The following TRPC7 variants were observed in gnomAD, a reference collection of about 807,000 sequenced individuals.
TRPC7 encodes short transient receptor potential channel 7.
In TRPC7, 42 loss-of-function variants were observed where a neutral mutation model predicts 90.1. The observed-to-expected ratio is 0.47, with a 90% confidence interval of 0.36 to 0.60. The LOEUF is 0.60. TRPC7 is among the 20% of genes least tolerant of loss of function. The probability of loss-of-function intolerance (pLI) is 0.00; values close to 1 mark genes in which losing one functional copy is unlikely to be tolerated. For synonymous variants in TRPC7, 451 were observed against 436.3 expected (o/e 1.03, Z -0.42); for missense variants, 955 against 1,112.3 (o/e 0.86, Z 2.01).
chr5:136,228,479 A>C (rs910527037), intron 8 of TRPC7, among the ~76,000 whole-genome samples: 9 of 149,606 alleles, frequency 6.0e-5, no homozygotes, highest in African/African-American at 2.2e-4. Context: ...TTAAATGCTG[A>C]CAGGAAGGAT....
rs1760427519 is a variant in TRPC7, at chr5:136,357,400, A to G, written c.3-15T>C. 6.4e-7 allele frequency: 1 copy of G among 1,570,594 alleles called. No homozygotes were observed. The highest frequency in any genetic ancestry group is 8.6e-7 in the Non-Finnish European group (1 of 1,162,426). On this transcript the variant is annotated splice_polypyrimidine_tract_variant and intron_variant, in intron 1 of 11. Coordinates refer to ENST00000513104, the MANE Select transcript of TRPC7 (RefSeq NM_020389.3). ...TGTTCCTCAACCTATGGGACAAGGC[A>G]AAGATGCCCTGTTACTTTCCTGCGG...
At chr5:136,295,300 TAAAG>T (rs1009447117) in intron 3 of TRPC7, among the ~76,000 whole-genome samples, 2 of 151,966 alleles carry the variant, frequency 1.3e-5, no homozygotes, top group Non-Finnish European at 2.9e-5. Context: ...ATAATAATAA[TAAAG>T]AAAAACAAGT....
intron 3 of TRPC7, among the ~76,000 whole-genome samples, chr5:136,275,995 T>C (rs1370028638): frequency 6.6e-6 from 1 of 152,216 alleles, no homozygotes; most frequent in Admixed American, 6.5e-5. Flanking sequence ...TTTATATTCA[T>C]AAACAAAATG....
chr5:136,304,185 T>TA (rs571981371), intron 3 of TRPC7, among the ~76,000 whole-genome samples: 154 of 151,998 alleles, frequency 1.0e-3, no homozygotes, highest in African/African-American at 3.5e-3. Flanking sequence ...TCCTCTTGTA[T>TA]CCCCTCACCT....
chr5:136,266,430 G>C lies in TRPC7; in HGVS notation c.1135C>G (p.Arg379Gly). ...TTCATGAAAGGGCTCCTCAGGGTTC[G>C]TCCTAGCTGGAAAGAAAATGTGTTC... Reference protein sequence around the residue: ...YWIAPCSKLGRTLRSPFMKFV... With the variant: ...YWIAPCSKLGGTLRSPFMKFV... The change falls in exon 5 of 12, where the codon CGA (arginine) becomes GGA (glycine). Residue 379 changes from arginine (R) to glycine (G), a missense_variant. Transcript: ENST00000513104. The C allele has an allele frequency of 6.2e-7, 1 of 1,612,916 alleles. No homozygotes were observed. Among genetic ancestry groups the C allele is most frequent in the Non-Finnish European group, 8.5e-7 (1 of 1,179,306 alleles).
chr5:136,356,204 C>T (rs1760367837), intron 2 of TRPC7, among the ~76,000 whole-genome samples: 1 of 152,204 alleles, frequency 6.6e-6, no homozygotes, highest in African/African-American at 2.4e-5. Context: ...CAAATCAAAG[C>T]CACATAGGTG....
intron 5 of TRPC7, among the ~76,000 whole-genome samples, chr5:136,258,807 C>T (rs1561691029): frequency 6.6e-6 from 1 of 152,214 alleles, no homozygotes; most frequent in Non-Finnish European, 1.5e-5. Flanking sequence ...GTCCTGGCCC[C>T]CAGGGGCTAC....
intron 3 of TRPC7, among the ~76,000 whole-genome samples, chr5:136,287,704 A>C (rs1757771988): frequency 2.5e-5 from 1 of 40,762 alleles, no homozygotes; most frequent in Non-Finnish European, 4.9e-5. Context: ...AAAAAAAAAA[A>C]AAAAAAAAAA....
intron 3 of TRPC7, among the ~76,000 whole-genome samples, chr5:136,301,304 A>G (rs189369): frequency 0.63 from 93,811 of 148,010 alleles, 30,343 homozygotes; most frequent in African/African-American, 0.78. Flanking sequence ...TGGGATTATA[A>G]GCTTGAGCCA....
rs561980325 is a variant in TRPC7, at chr5:136,243,719, G to A, written c.1844+3752C>T. On this transcript the variant is annotated intron_variant, in intron 7 of 11. Transcript: ENST00000513104. ...AGATCTCTTGGGGGTGACATGCACC[G>A]GAGAGCAGTCAAAAGGTAAAAGATG... Among the ~76,000 whole-genome samples the A allele has an allele frequency of 5.9e-5, 9 of 151,578 alleles. No homozygotes were observed. In the East Asian group the frequency reaches 1.4e-3, roughly 23 times the overall value.
intron 3 of TRPC7, among the ~76,000 whole-genome samples, chr5:136,291,206 A>G (rs528537955): frequency 1.4e-4 from 21 of 152,366 alleles, no homozygotes; most frequent in African/African-American, 4.6e-4. Context: ...TGTAAAGACC[A>G]TCAAGGCTAG....
At chr5:136,250,085 T>C (rs1018333060) in intron 6 of TRPC7, among the ~76,000 whole-genome samples, 26 of 152,282 alleles carry the variant, frequency 1.7e-4, no homozygotes, top group South Asian at 6.2e-4. Flanking sequence ...ATATTCTCTC[T>C]TCCTTCCTTG....
intron 2 of TRPC7, among the ~76,000 whole-genome samples, chr5:136,317,859 T>C (rs1265289941): frequency 6.6e-6 from 1 of 152,188 alleles, no homozygotes; most frequent in Non-Finnish European, 1.5e-5. Flanking sequence ...TCAGGCTGTA[T>C]TGCCCAGAGC....
Position 136,226,243 on chromosome 5 carries a change from C to T in TRPC7, c.2053G>A (p.Val685Met). 1 of 1,551,588 alleles carries T rather than the reference C, an allele frequency of 6.4e-7. No homozygotes were observed. Among genetic ancestry groups the T allele is most frequent in the African/African-American group, 1.4e-5 (1 of 73,158 alleles). ...TTTGCTCGGGCGAACTTCCATTCCA[C>T]ATCTGCATCCTCCTGTGGAACAAGG... ...SYQEIEEDAD[V>M]EWKFARAKLW... Residue 685 changes from valine (V) to methionine (M), a missense_variant, in exon 9 of 12, where the codon GTG (valine) becomes ATG (methionine). Physicochemically the swap from Val to Met is conservative, Grantham distance 21. Around this residue, in one of 4 missense-constraint regions of TRPC7, gnomAD observed 296 missense variants for 422.7 expected, o/e 0.70. Transcript: ENST00000513104.
At chr5:136,310,916 A>G (rs1758806020) in intron 3 of TRPC7, among the ~76,000 whole-genome samples, 1 of 152,130 alleles carries the variant, frequency 6.6e-6, no homozygotes, top group South Asian at 2.1e-4. Context: ...AATTTGTCAG[A>G]TGGAACTAAT....
intron 3 of TRPC7, among the ~76,000 whole-genome samples, chr5:136,278,321 G>C (rs1366967358): frequency 1.3e-5 from 2 of 152,194 alleles, no homozygotes; most frequent in Non-Finnish European, 2.9e-5. Flanking sequence ...TAAATGGCAT[G>C]GCCAGAGTTC....
At chr5:136,250,978 T>A (rs1756499528) in intron 6 of TRPC7, among the ~76,000 whole-genome samples, 1 of 152,218 alleles carries the variant, frequency 6.6e-6, no homozygotes, top group Admixed American at 6.5e-5. Context: ...TCTTCATGTT[T>A]AAAATAGGGA....
At chr5:136,240,785 C>T (rs1004069232) in intron 7 of TRPC7, among the ~76,000 whole-genome samples, 8 of 152,128 alleles carry the variant, frequency 5.3e-5, no homozygotes, top group Non-Finnish European at 1.0e-4. Flanking sequence ...CTCTGAGCCT[C>T]AGTTTCCTGT....
chr5:136,313,932 T>C (rs1758923681), intron 3 of TRPC7, among the ~76,000 whole-genome samples: 1 of 152,188 alleles, frequency 6.6e-6, no homozygotes, highest in Non-Finnish European at 1.5e-5. Flanking sequence ...AACTTGGTAA[T>C]TGACAAAAGA....
Sources: allele counts gnomAD v4.1 joint callset (sites outside exome capture counted in the v4.1 genomes callset), GRCh38; gene constraint gnomAD v4.1.1; regional missense constraint gnomAD v4.1.1; transcripts MANE v1.5; gene names NCBI Gene and HGNC (gene_info 2026-07-23, HGNC 2026-07-21).